DLGAP2: variants seen among roughly 807,000 people sequenced by gnomAD.
The protein encoded by DLGAP2 is disks large-associated protein 2.
In DLGAP2, 26 loss-of-function variants were observed where a neutral mutation model predicts 100.3. The ratio of observed to expected loss-of-function variants is 0.26; its 90% CI spans 0.19 to 0.36. The LOEUF (loss-of-function observed/expected upper bound fraction) is 0.36. DLGAP2 is among the 10% of genes least tolerant of loss of function. The pLI is 1.00. For synonymous variants in DLGAP2, 886 were observed against 630.1 expected (o/e 1.41, Z -6.08); for missense variants, 1,858 against 1,453.2 (o/e 1.28, Z -4.53).
At chr8:990,200 A>G (rs1171300617) in intron 2 of DLGAP2, among the ~76,000 whole-genome samples, 2 of 151,988 alleles carry the variant, frequency 1.3e-5, no homozygotes, top group Admixed American at 6.5e-5. Flanking sequence ...TGGTGAGAGT[A>G]TTCCCAACTT....
intron 2 of DLGAP2, among the ~76,000 whole-genome samples, chr8:1,172,857 G>A (rs990258996): frequency 1.1e-4 from 16 of 152,096 alleles, no homozygotes; most frequent in East Asian, 1.9e-4. Flanking sequence ...TAGTTTGATC[G>A]TCTGAACCCT....
intron 1 of DLGAP2, among the ~76,000 whole-genome samples, chr8:811,200 G>A (rs376366901): frequency 6.6e-5 from 10 of 152,386 alleles, no homozygotes; most frequent in South Asian, 2.1e-4. Flanking sequence ...CTGTGAAACC[G>A]GAGAAGGGGC....
intron 1 of DLGAP2, among the ~76,000 whole-genome samples, chr8:857,424 C>A (rs954170713): frequency 1.3e-5 from 2 of 152,106 alleles, no homozygotes; most frequent in Non-Finnish European, 2.9e-5. Context: ...AAAATATTTG[C>A]AAAACACACA....
At chr8:1,265,131 C>A (rs1205893080) in intron 3 of DLGAP2, among the ~76,000 whole-genome samples, 1 of 152,072 alleles carries the variant, frequency 6.6e-6, no homozygotes, top group African/African-American at 2.4e-5. Flanking sequence ...TAAGAAGATA[C>A]AACAGGAGAA....
intron 1 of DLGAP2, among the ~76,000 whole-genome samples, chr8:863,967 C>A (rs1009299495): frequency 6.6e-6 from 1 of 152,140 alleles, no homozygotes; most frequent in Non-Finnish European, 1.5e-5. Flanking sequence ...TGTCCATCAA[C>A]AGGTGAATGG....
intron 8 of DLGAP2, among the ~76,000 whole-genome samples, chr8:1,641,839 T>C (rs952684550): frequency 1.3e-5 from 2 of 151,896 alleles, no homozygotes; most frequent in Non-Finnish European, 2.9e-5. Flanking sequence ...ATTGTGGAGA[T>C]GGAAGTACTG....
At chr8:1,450,845 A>G (rs1333288997) in intron 3 of DLGAP2, among the ~76,000 whole-genome samples, 1 of 152,202 alleles carries the variant, frequency 6.6e-6, no homozygotes, top group Non-Finnish European at 1.5e-5. Flanking sequence ...CTGGTAAAGA[A>G]CAAAATCATA....
chr8:1,194,523 T>G (rs1295247359), intron 2 of DLGAP2, among the ~76,000 whole-genome samples: 1 of 152,126 alleles, frequency 6.6e-6, no homozygotes, highest in Non-Finnish European at 1.5e-5. Flanking sequence ...GGTCACTCCT[T>G]GTGATGTGAA....
intron 3 of DLGAP2, among the ~76,000 whole-genome samples, chr8:1,383,606 T>C (rs1428845587): frequency 6.6e-6 from 1 of 152,188 alleles, no homozygotes; most frequent in Non-Finnish European, 1.5e-5. Context: ...AAAGGCTGCT[T>C]GATTAACGAC....
chr8:1,117,675 G>A (rs546881868), intron 2 of DLGAP2, among the ~76,000 whole-genome samples: 8 of 152,290 alleles, frequency 5.3e-5, no homozygotes, highest in East Asian at 1.9e-4. Flanking sequence ...TGTGGTTGCC[G>A]GAGTGAGGGG....
chr8:1,425,812 C>G (rs886910780), intron 3 of DLGAP2, among the ~76,000 whole-genome samples: 1 of 152,162 alleles, frequency 6.6e-6, no homozygotes, highest in Non-Finnish European at 1.5e-5. Flanking sequence ...TGTCAGGGCC[C>G]TAGACCGAGA....
At chr8:1,374,698 T>C (rs1316107135) in intron 3 of DLGAP2, among the ~76,000 whole-genome samples, 1 of 151,674 alleles carries the variant, frequency 6.6e-6, no homozygotes, top group Non-Finnish European at 1.5e-5. Context: ...TTATTCATCC[T>C]TTTTGACTTT....
At chr8:1,076,942 C>T (rs1365966183) in intron 2 of DLGAP2, among the ~76,000 whole-genome samples, 57 of 127,746 alleles carry the variant, frequency 4.5e-4, no homozygotes, top group Non-Finnish European at 5.9e-4. Flanking sequence ...GAGTCTGTCC[C>T]GGGCCCCCCA....
intron 3 of DLGAP2, among the ~76,000 whole-genome samples, chr8:1,419,031 G>C (rs978369829): frequency 2.0e-5 from 3 of 152,274 alleles, no homozygotes; most frequent in Non-Finnish European, 4.4e-5. Flanking sequence ...GCAGAGGCCA[G>C]GGCCATGTGG....
chr8:944,309 A>G (rs1799263805), intron 2 of DLGAP2, among the ~76,000 whole-genome samples: 1 of 141,456 alleles, frequency 7.1e-6, no homozygotes, highest in South Asian at 2.3e-4. Flanking sequence ...GATCCAGTGG[A>G]TATGGTAACC....
intron 3 of DLGAP2, among the ~76,000 whole-genome samples, chr8:1,442,328 C>A (rs977517700): frequency 7.0e-6 from 1 of 142,426 alleles, no homozygotes; most frequent in Non-Finnish European, 1.5e-5. Flanking sequence ...GGTTCAGCCA[C>A]TGGGGGAGAT....
chr8:1,296,097 C>T (rs543218796), intron 3 of DLGAP2: 9 of 152,248 alleles, frequency 5.9e-5, no homozygotes, highest in African/African-American at 1.9e-4. Context: ...GTAAACCTTT[C>T]CCGAGTGTTG....
chr8:1,213,057 A>G (rs959426338), intron 2 of DLGAP2, among the ~76,000 whole-genome samples: 9 of 152,134 alleles, frequency 5.9e-5, no homozygotes, highest in Non-Finnish European at 1.2e-4. Flanking sequence ...GAGGCCACAG[A>G]ACGGTGAGTA....
At position 863,437 on chromosome 8, in the gene DLGAP2, C is replaced by T. The variant is rs117118664; in HGVS notation, c.19-44475C>T. On this transcript the variant is annotated intron_variant, in intron 1 of 14. Coordinates refer to ENST00000637795, the MANE Select transcript of DLGAP2 (RefSeq NM_001346810.2). ...TTCTCCATTCTCATTTCTGTGTAAA[C>T]AGATACAGCACCTTGTTGTGTTTCG... Among the ~76,000 whole-genome samples the T allele has an allele frequency of 9.0e-3, 1,364 of 152,328 alleles. 12 individuals carry two copies. Among genetic ancestry groups the T allele is most frequent in the Middle Eastern group, 0.058 (17 of 294 alleles).
Sources: allele counts gnomAD v4.1 joint callset (sites outside exome capture counted in the v4.1 genomes callset), GRCh38; gene constraint gnomAD v4.1.1; transcripts MANE v1.5; gene names NCBI Gene and HGNC (gene_info 2026-07-23, HGNC 2026-07-21).